Variants in COL27A1 observed in about 807,000 individuals in gnomAD.
COL27A1 encodes collagen alpha-1(XXVII) chain.
In COL27A1, 106 loss-of-function variants were observed where a neutral mutation model predicts 251.3. That is an observed-to-expected ratio of 0.42 (90% CI 0.36 to 0.50). The LOEUF (loss-of-function observed/expected upper bound fraction) is 0.50, where lower values mean the gene tolerates loss of function less well. Ranked by LOEUF, COL27A1 falls within the 20% of genes least tolerant of loss-of-function variation. The pLI, the probability that COL27A1 is intolerant of heterozygous loss-of-function variation, is 0.00. For missense variants in COL27A1, 2,325 were observed against 2,522.8 expected (o/e 0.92, Z 1.68); for synonymous variants, 1,000 against 986.3 (o/e 1.01, Z -0.26).
At chr9:114,246,823 C>T (rs16927569) in intron 24 of COL27A1, among the ~76,000 whole-genome samples, 2,765 of 151,356 alleles carry the variant, frequency 0.018, 110 homozygotes, top group African/African-American at 0.064. Flanking sequence ...GTGGGAAGCC[C>T]GGGAGTTTGG....
At chr9:114,243,625 A>G (rs1832912645) in intron 23 of COL27A1, 65 bp downstream of exon 23, 10 of 1,377,342 alleles carry the variant, frequency 7.3e-6, no homozygotes, top group Non-Finnish European at 8.1e-6. Context: ...CTGGGCCCCA[A>G]GTCAAGCCCC....
chr9:114,227,826 C>T (rs1464350598), intron 14 of COL27A1, among the ~76,000 whole-genome samples: 1 of 152,172 alleles, frequency 6.6e-6, no homozygotes. Flanking sequence ...ACATGACATT[C>T]TGAGTGGCTC....
intron 60 of COL27A1, among the ~76,000 whole-genome samples, chr9:114,310,236 A>T (rs1234655973): frequency 6.6e-6 from 1 of 152,148 alleles, no homozygotes; most frequent in Non-Finnish European, 1.5e-5. Context: ...TTGAAAAAAT[A>T]AATTAAAAAA....
chr9:114,167,873 C>G lies in COL27A1; in HGVS notation c.318C>G (p.Ser106=). The part of the protein sequence containing the change: ...TELALVLSLC[S]HRVNHAFLFA... ...TGGCACTGGTGCTGAGCCTCTGCTC[C>G]CACCGGGTGAACCATGCCTTCCTCT... Residue 106 remains serine, a synonymous_variant, in exon 3 of 61, where the codon TCC becomes TCG. Coordinates refer to ENST00000356083, the MANE Select transcript of COL27A1 (RefSeq NM_032888.4). 6.2e-7 allele frequency: 1 copy of G among 1,613,534 alleles called. No homozygotes were observed. Among genetic ancestry groups the G allele is most frequent in the Non-Finnish European group, 8.5e-7 (1 of 1,179,990 alleles).
chr9:114,179,173 G>A (rs796497523), intron 4 of COL27A1, among the ~76,000 whole-genome samples: 3 of 152,292 alleles, frequency 2.0e-5, no homozygotes, highest in African/African-American at 7.2e-5. Flanking sequence ...TAGCTGCCTG[G>A]GGCATATTTT....
Position 114,267,516 on chromosome 9 carries a change from G to A in COL27A1, c.3460G>A (p.Ala1154Thr), listed in dbSNP as rs757353994. ...CGTTTTCTTTCAGGGGCCGCCTGGT[G>A]CAGTGGGAGAACCGGGCCTTCCTGG... ...GEMGPKGPPG[A>T]VGEPGLPGEA... The change falls in exon 34 of 61, where the codon GCA (alanine) becomes ACA (threonine). Residue 1154 changes from alanine to threonine, a missense_variant. This residue lies in a region of COL27A1 where 662 missense variants were observed against 795.3 expected (regional missense o/e 0.83). Transcript: ENST00000356083. The A allele has an allele frequency of 1.6e-5, 25 of 1,599,446 alleles. No individual in the cohort carries two copies. The Admixed American group carries it at 4.3e-4, about 28-fold the overall frequency.
At chr9:114,163,521 CG>C (rs1015407488) in intron 2 of COL27A1, among the ~76,000 whole-genome samples, 2 of 152,194 alleles carry the variant, frequency 1.3e-5, no homozygotes. Context: ...TCCAGGGGGC[CG>C]GGGCAGCGAT....
intron 50 of COL27A1, chr9:114,300,351 C>A (rs1036852910): frequency 1.7e-6 from 1 of 595,052 alleles, no homozygotes; most frequent in Non-Finnish European, 3.0e-6. Flanking sequence ...TCTCTCTAAG[C>A]CTTGGTTTCC....
intron 2 of COL27A1, among the ~76,000 whole-genome samples, chr9:114,164,331 T>A: frequency 6.6e-6 from 1 of 152,214 alleles, no homozygotes; most frequent in Non-Finnish European, 1.5e-5. Flanking sequence ...AGAACAGCCC[T>A]TTCCTATGCC....
chr9:114,295,648 G>T (rs74307801), intron 49 of COL27A1, among the ~76,000 whole-genome samples: 19,535 of 151,226 alleles, frequency 0.13, 1,892 homozygotes, highest in East Asian at 0.46. Flanking sequence ...CGGACAACTG[G>T]TTTTTTTTTG....
At chr9:114,167,617 T>C in intron 2 of COL27A1, 72 bp from the exon 3 acceptor site, 1 of 1,348,402 alleles carries the variant, frequency 7.4e-7, no homozygotes. Flanking sequence ...CCTGTGCCCC[T>C]TAGGGGGTAG....
intron 13 of COL27A1, among the ~76,000 whole-genome samples, chr9:114,221,345 A>G (rs1831095926): frequency 6.6e-6 from 1 of 152,190 alleles, no homozygotes; most frequent in Non-Finnish European, 1.5e-5. Flanking sequence ...AGCATTTGTT[A>G]GATTAACTAT....
chr9:114,155,969 C>G lies in COL27A1; in HGVS notation c.19C>G (p.Arg7Gly). 3 of 1,286,746 alleles carry G rather than the reference C, an allele frequency of 2.3e-6. No homozygotes were observed. The highest frequency in any genetic ancestry group is 3.0e-6 in the Non-Finnish European group (3 of 1,014,130). 79.7% of individuals were successfully genotyped at this position (1,286,746 alleles called of 1,614,324 possible). A position where few individuals can be genotyped will look rare whatever the true frequency, so the allele number is the denominator to read the frequency against. Residue 7 changes from arginine (R) to glycine (G), a missense_variant, in exon 1 of 61, where the codon CGG becomes GGG. Arg to Gly is a moderately radical substitution (Grantham distance 125). Transcript: ENST00000356083. This position sits in a 1 kb window ranked among gnomAD's most constrained non-coding sequence, Gnocchi z 5.5. MGAGSA[R>G]GARGTAAAAA... Reference sequence around the variant, plus strand: ...GCCTGCCATGGGAGCGGGATCGGCGCGGGGGGCCCGAGGCACAGCGGCGGC... The same window carrying G: ...GCCTGCCATGGGAGCGGGATCGGCGGGGGGGGCCCGAGGCACAGCGGCGGC...
At chr9:114,187,556 C>T (rs549351812) in intron 5 of COL27A1, among the ~76,000 whole-genome samples, 2 of 152,358 alleles carry the variant, frequency 1.3e-5, no homozygotes, top group South Asian at 4.1e-4. Context: ...GCATTCAAAC[C>T]CTCAACTGTC....
At chr9:114,234,498 C>T (rs1050139679) in intron 16 of COL27A1, among the ~76,000 whole-genome samples, 5 of 152,020 alleles carry the variant, frequency 3.3e-5, no homozygotes, top group Admixed American at 6.5e-5. Context: ...TAATGTCCAA[C>T]GTGGAGGGCT....
intron 3 of COL27A1, among the ~76,000 whole-genome samples, chr9:114,171,614 C>T (rs1849324641): frequency 6.6e-6 from 1 of 152,108 alleles, no homozygotes; most frequent in Non-Finnish European, 1.5e-5. Context: ...CAGGCACGTG[C>T]CACTATGTCC....
rs146162741 is a variant in COL27A1 at position 114,264,936 on chromosome 9, C to T, written c.3262C>T (p.Pro1088Ser). Residue 1088 changes from proline to serine, a missense_variant, in exon 30 of 61, where the codon CCC becomes TCC. Physicochemically the swap from Pro to Ser is moderately conservative, Grantham distance 74. Coordinates refer to ENST00000356083, the MANE Select transcript of COL27A1 (RefSeq NM_032888.4). ...CTGCTTCCCACAGGGCCCTCCAGGA[C>T]CCCAGGGCAGACCGGGCCGGCCTGG... ...GSRGLKGPPG[P>S]QGRPGRPGQQ... is the part of the protein sequence containing the mutation. The T allele has an allele frequency of 1.9e-6, 3 of 1,613,148 alleles. No homozygotes were observed. Among genetic ancestry groups the T allele is most frequent in the African/African-American group, 1.3e-5 (1 of 74,918 alleles).
At chr9:114,171,169 A>G (rs4481685) in intron 3 of COL27A1, among the ~76,000 whole-genome samples, 38,402 of 151,846 alleles carry the variant, frequency 0.25, 5,098 homozygotes, top group Middle Eastern at 0.4. Flanking sequence ...AGGCACTGAA[A>G]TGAAACTGGT....
rs1828902542 is a variant in COL27A1, at chr9:114,304,681, C to T, written c.4938+8C>T. On this transcript the variant is annotated splice_region_variant and intron_variant, in intron 57 of 60. Coordinates refer to ENST00000356083, the MANE Select transcript of COL27A1 (RefSeq NM_032888.4). ...GGAGCACTCAGGCCAGAGGTATCTCCAGGGGCTCTCCCCATGTGGGATCCC... is the reference window on the plus strand; with the variant it reads ...GGAGCACTCAGGCCAGAGGTATCTCTAGGGGCTCTCCCCATGTGGGATCCC... The T allele has an allele frequency of 1.5e-5, 24 of 1,613,172 alleles. No homozygotes were observed. The highest frequency in any genetic ancestry group is 2.0e-5 in the Non-Finnish European group (24 of 1,179,226).
Sources: gnomAD v4.1 joint callset for allele counts (sites outside exome capture counted in the v4.1 genomes callset) on GRCh38, gnomAD v4.1.1 for gene constraint, gnomAD v4.1.1 regional missense constraint, Gnocchi (gnomAD v3.1) non-coding constraint, MANE v1.5 for transcripts, NCBI Gene and HGNC (gene_info 2026-07-23, HGNC 2026-07-21) for gene names.